Variants in EXOC1 observed in about 807,000 individuals in gnomAD.
EXOC1 encodes the protein SEC3-like 1.
Under a neutral mutation model 107.7 loss-of-function variants are expected in EXOC1, and 67 were observed. That is an observed-to-expected ratio of 0.62 (90% CI 0.51 to 0.76). EXOC1 has a LOEUF of 0.76. EXOC1 is among the 30% of genes least tolerant of loss of function. The pLI, the probability that EXOC1 is intolerant of heterozygous loss-of-function variation, is 0.00. For missense variants in EXOC1, 833 were observed against 1,055.7 expected, an observed-to-expected ratio of 0.79 and a Z score of 2.92; for synonymous variants, 348 against 353.5, an observed-to-expected ratio of 0.98 and a Z score of 0.17.
At chr4:55,898,252 GTC>G (rs1484730154) in intron 16 of EXOC1, among the ~76,000 whole-genome samples, 1 of 152,060 alleles carries the variant, frequency 6.6e-6, no homozygotes, top group African/African-American at 2.4e-5. Flanking sequence ...GCCAGACCCT[GTC>G]TTAAAAATAA....
chr4:55,895,212 G>A (rs1333670674), intron 15 of EXOC1, among the ~76,000 whole-genome samples: 2 of 152,150 alleles, frequency 1.3e-5, no homozygotes, highest in Admixed American at 1.3e-4. Context: ...TCAATAGACA[G>A]CATTTATAAA....
At chr4:55,863,873 T>C (rs929379764) in intron 3 of EXOC1, among the ~76,000 whole-genome samples, 2 of 152,118 alleles carry the variant, frequency 1.3e-5, no homozygotes, top group African/African-American at 2.4e-5. Flanking sequence ...TAAAACTCTA[T>C]AGGCAATTTA....
chr4:55,872,041 A>G, intron 8 of EXOC1, 83 bp downstream of exon 8: 2 of 1,227,184 alleles, frequency 1.6e-6, no homozygotes, highest in Admixed American at 2.4e-5. Flanking sequence ...AAATGTTAAT[A>G]TGTTTAATTG....
chr4:55,872,318 C>G lies in EXOC1; in HGVS notation c.1074+360C>G, dbSNP rs1052720721. Reference sequence around the variant, plus strand: ...TTTTTCAGTATTTTGAGGTGAGACTCAGGACTTGATTCAGTGTTTTAAATG... The same window carrying G: ...TTTTTCAGTATTTTGAGGTGAGACTGAGGACTTGATTCAGTGTTTTAAATG... On this transcript the variant is annotated intron_variant, in intron 8 of 18. Transcript: ENST00000381295. Among the ~76,000 whole-genome samples, 26 of 152,176 alleles carry G rather than the reference C, an allele frequency of 1.7e-4. 1 individual carries two copies. In the Middle Eastern group the frequency reaches 0.01, roughly 60 times the overall value.
In EXOC1 at chr4:55,870,859, G is replaced by A. The variant is rs760612698; in HGVS notation, c.785G>A (p.Ser262Asn). Residue 262 changes from serine (S) to asparagine (N), a missense_variant, in exon 6 of 19, where the codon AGT becomes AAT. By Grantham distance (46) the Ser-to-Asn change is conservative (BLOSUM62 1). Transcript: ENST00000381295. ...GAAAGCAACCACCTAATTCATCTTA[G>A]TAACACTAATAATGTAAAACTCCTA... ...ISESNHLIHLSNTNNVKLLSE... is the reference protein window; with the variant it reads ...ISESNHLIHLNNTNNVKLLSE... 1.9e-6 allele frequency: 3 copies of A among 1,613,644 alleles called. No homozygotes were observed. In the South Asian group the frequency reaches 3.3e-5, roughly 18 times the overall value.
chr4:55,886,046 C>T (rs1355667290), intron 10 of EXOC1, among the ~76,000 whole-genome samples: 2 of 152,084 alleles, frequency 1.3e-5, no homozygotes, highest in African/African-American at 4.8e-5. Flanking sequence ...CATAGCCATT[C>T]TGTTTTTTAC....
intron 15 of EXOC1, among the ~76,000 whole-genome samples, chr4:55,894,614 C>CTTTTTTTTTTTTTTTTTTTTT (rs772700227): frequency 5.3e-5 from 4 of 76,116 alleles, no homozygotes; most frequent in Non-Finnish European, 6.9e-5. Context: ...CTATCTGTTA[C>CTTTTTTTTTTTTTTTTTTTTT]TTTTTTTTTT....
intron 3 of EXOC1, among the ~76,000 whole-genome samples, chr4:55,862,573 C>T (rs1016310277): frequency 2.0e-5 from 3 of 152,064 alleles, no homozygotes; most frequent in Non-Finnish European, 4.4e-5. Context: ...AATGCAATTA[C>T]CTTTTCATTG....
At position 55,888,949 on chromosome 4, in the gene EXOC1, T is replaced by C. The variant is rs1442801083; in HGVS notation, c.1375+17T>C. ...AAACAGAGAGTGAGTATGCTTAGTG[T>C]ATTAGTAGGTATTCTCAATGCATGT... On this transcript the variant is annotated intron_variant, in intron 11 of 18. Transcript: ENST00000381295. 2 of 1,611,110 alleles carry C rather than the reference T, an allele frequency of 1.2e-6. No homozygotes were observed. Among genetic ancestry groups the C allele is most frequent in the Non-Finnish European group, 1.7e-6 (2 of 1,177,582 alleles).
chr4:55,889,253 A>G (rs6828336), intron 11 of EXOC1, among the ~76,000 whole-genome samples: 2,083 of 152,334 alleles, frequency 0.014, 65 homozygotes, highest in African/African-American at 0.047. Context: ...AATGAAGCCA[A>G]AGTTTATCTT....
chr4:55,860,309 G>T (rs1481808384), intron 2 of EXOC1, 102 bp from the exon 3 acceptor site: 2 of 1,416,418 alleles, frequency 1.4e-6, no homozygotes. Flanking sequence ...ACCTCTTTTA[G>T]TATCAGCTAC....
rs1560322693 is a variant in EXOC1 at position 55,853,685 on chromosome 4, G to GA, written c.-277dup. Reference sequence around the variant, plus strand: ...TGCCCGGATATAGGAAGTGTTGGGGGAACGGCCGCTTCCCGTTCAACGCTT... The same window carrying GA: ...TGCCCGGATATAGGAAGTGTTGGGGGAAACGGCCGCTTCCCGTTCAACGCTT... On this transcript the variant is annotated 5_prime_UTR_variant, in exon 1 of 19. Transcript: ENST00000381295. 6.6e-6 allele frequency: 1 copy of GA among 152,296 alleles called. No homozygotes were observed. The highest frequency in any genetic ancestry group is 6.5e-5 in the Admixed American group (1 of 15,292). 9.4% of individuals were successfully genotyped at this position (152,296 alleles called of 1,614,324 possible).
At chr4:55,882,122 GTGTT>G (rs1723451393) in intron 9 of EXOC1, among the ~76,000 whole-genome samples, 3 of 113,990 alleles carry the variant, frequency 2.6e-5, no homozygotes, top group Non-Finnish European at 3.7e-5. Context: ...TTGTTGTATT[GTGTT>G]TTGTTTTGTT....
At chr4:55,878,498 T>C in intron 9 of EXOC1, among the ~76,000 whole-genome samples, 1 of 152,174 alleles carries the variant, frequency 6.6e-6, no homozygotes, top group South Asian at 2.1e-4. Context: ...AAGCATCTAC[T>C]CTAATGCGCT....
chr4:55,857,205 GTCT>G (rs1026027823), intron 1 of EXOC1, among the ~76,000 whole-genome samples: 1 of 79,366 alleles, frequency 1.3e-5, no homozygotes. Flanking sequence ...TGGAGACAGA[GTCT>G]GGCTCTGTCT....
chr4:55,854,822 C>G (rs959051389), intron 1 of EXOC1, among the ~76,000 whole-genome samples: 1 of 152,158 alleles, frequency 6.6e-6, no homozygotes, highest in Admixed American at 6.5e-5. Context: ...GTTCTAATTA[C>G]CTTAATAGAT....
Position 55,858,333 on chromosome 4 carries a change from A to G in EXOC1, c.10A>G (p.Ile4Val). 6.2e-7 allele frequency: 1 copy of G among 1,606,282 alleles called. No individual in the cohort carries two copies. Among genetic ancestry groups the G allele is most frequent in the South Asian group, 1.1e-5 (1 of 88,692 alleles). The change falls in exon 2 of 19, where the codon ATC (isoleucine) becomes GTC (valine). Residue 4 changes from isoleucine (I) to valine (V), a missense_variant. Physicochemically the swap from Ile to Val is conservative, Grantham distance 29. Transcript: ENST00000381295. ...TTTCAGCTGAGAAAAGATGACAGCA[A>G]TCAAGCATGCATTACAAAGAGACAT... is the stretch of plus-strand genomic sequence containing the variant. MTA[I>V]KHALQRDIFT...
intron 2 of EXOC1, 31 bp from the exon 3 acceptor site, chr4:55,860,380 T>G (rs1721361572): frequency 1.9e-6 from 3 of 1,610,996 alleles, no homozygotes; most frequent in Non-Finnish European, 2.5e-6. Context: ...GGGGTAATAT[T>G]TCTAATAAAA....
At chr4:55,866,997 A>T in intron 4 of EXOC1, 1 of 556,398 alleles carries the variant, frequency 1.8e-6, no homozygotes, top group Non-Finnish European at 2.3e-6. Context: ...GGACAAATTT[A>T]TTTTAAAAAT....
Sources: allele counts gnomAD v4.1 joint callset (sites outside exome capture counted in the v4.1 genomes callset), GRCh38; gene constraint gnomAD v4.1.1; transcripts MANE v1.5; gene names NCBI Gene and HGNC (gene_info 2026-07-23, HGNC 2026-07-21).